The following SERP1 variants were observed in gnomAD, a reference collection of about 807,000 sequenced individuals.
SERP1 encodes the protein stress-associated endoplasmic reticulum protein 1.
Under a neutral mutation model 8.8 loss-of-function variants are expected in SERP1, and 6 were observed. The ratio of observed to expected loss-of-function variants is 0.68; its 90% CI spans 0.37 to 1.35. The LOEUF is 1.35. SERP1 is among the 40% of genes most tolerant of loss of function. SERP1 has a pLI of 0.02. For synonymous variants in SERP1, 36 were observed against 28.7 expected, an observed-to-expected ratio of 1.25 and a Z score of -0.81; for missense variants, 52 against 86.2, an observed-to-expected ratio of 0.60 and a Z score of 1.57.
rs1031964596 is a variant in SERP1 at position 150,542,747 on chromosome 3, A to C, written c.*1711T>G. ...AACACAAACAACAACTTAAAGCCAA[A>C]TATCTATAGTAAACCAAGGAAAATT... On this transcript the variant is annotated 3_prime_UTR_variant, in exon 3 of 3. Transcript: ENST00000239944. 3 of 152,672 alleles carry C rather than the reference A, an allele frequency of 2.0e-5. No individual in the cohort carries two copies. The highest frequency in any genetic ancestry group is 4.4e-5 in the Non-Finnish European group (3 of 68,036). 9.5% of individuals were successfully genotyped at this position (152,672 alleles called of 1,614,324 possible).
At position 150,544,333 on chromosome 3, in the gene SERP1, A is replaced by G; in HGVS notation, c.*125T>C. On this transcript the variant is annotated 3_prime_UTR_variant, in exon 3 of 3. Coordinates refer to ENST00000239944, the MANE Select transcript of SERP1 (RefSeq NM_014445.4). ...GAAACCTTGGAATGACACATGAAGC[A>G]TGATAGGAAAGTCATTCTGAGGCAG... 6.8e-6 allele frequency: 6 copies of G among 883,014 alleles called. No homozygotes were observed. The South Asian group carries it at 8.6e-5, about 13-fold the overall frequency. The allele number at this position is 883,014 out of a possible 1,614,324, so 54.7% of individuals were successfully genotyped here.
In SERP1 at chr3:150,542,480, G is replaced by A. The variant is rs544721655; in HGVS notation, c.*1978C>T. 2 of 152,298 alleles carry A rather than the reference G, an allele frequency of 1.3e-5. No homozygotes were observed. Among genetic ancestry groups the A allele is most frequent in the African/African-American group, 4.8e-5 (2 of 41,572 alleles). 9.4% of individuals were successfully genotyped at this position (152,298 alleles called of 1,614,324 possible). A position where few individuals can be genotyped will look rare whatever the true frequency, so the allele number is the denominator to read the frequency against. On this transcript the variant is annotated 3_prime_UTR_variant, in exon 3 of 3. Coordinates refer to ENST00000239944, the MANE Select transcript of SERP1 (RefSeq NM_014445.4). Reference sequence around the variant, plus strand: ...CTATAAAAGGTACACTCAGATAACTGTAAAATCATTTCCGTTTAGAAGAAA... The same window carrying A: ...CTATAAAAGGTACACTCAGATAACTATAAAATCATTTCCGTTTAGAAGAAA...
chr3:150,544,213 C>G lies in SERP1; in HGVS notation c.*245G>C, dbSNP rs1722932353. The stretch of plus-strand genomic sequence containing the variant: ...TTGACTGAATAAGTAGGGTCCACTA[C>G]TGTATCTTAACAATCAAATTTTATT... On this transcript the variant is annotated 3_prime_UTR_variant, in exon 3 of 3. Coordinates refer to ENST00000239944, the MANE Select transcript of SERP1 (RefSeq NM_014445.4). 2 of 500,106 alleles carry G rather than the reference C, an allele frequency of 4.0e-6. No individual in the cohort carries two copies. The highest frequency in any genetic ancestry group is 7.2e-6 in the Non-Finnish European group (2 of 278,724). 31.0% of individuals were successfully genotyped at this position (500,106 alleles called of 1,614,324 possible).
Position 150,546,043 on chromosome 3 carries a change from T to C in SERP1, c.84+9A>G. 6.2e-7 allele frequency: 1 copy of C among 1,613,532 alleles called. No homozygotes were observed. ...GCGGAACGCAGAGGGGCGCCCGCTC[T>C]TTCCTTACCGAGGTCTTGGCGACGT... On this transcript the variant is annotated intron_variant, in intron 1 of 2. Coordinates refer to ENST00000239944, the MANE Select transcript of SERP1 (RefSeq NM_014445.4).
At chr3:150,545,385 A>C (rs1027513839) in intron 2 of SERP1, 50 of 433,954 alleles carry the variant, frequency 1.2e-4, no homozygotes, top group African/African-American at 6.1e-4. Flanking sequence ...CTGATAATGG[A>C]GTTACAAAAC....
intron 2 of SERP1, among the ~76,000 whole-genome samples, chr3:150,545,046 G>A (rs988907128): frequency 6.6e-6 from 1 of 152,042 alleles, no homozygotes; most frequent in African/African-American, 2.4e-5. Flanking sequence ...TTAACAGCTT[G>A]CATATTAAAA....
chr3:150,545,854 TCGCCGGC>T, intron 1 of SERP1, 76 bp from the exon 2 acceptor site: 5 of 1,465,662 alleles, frequency 3.4e-6, no homozygotes, highest in Non-Finnish European at 9.3e-7. Flanking sequence ...TGCACGCCGG[TCGCCGGC>T]CCCCTCACCT....
chr3:150,542,033 C>G lies in SERP1; in HGVS notation c.*2425G>C, dbSNP rs537908965. The G allele has an allele frequency of 1.4e-4, 21 of 152,254 alleles. No homozygotes were observed. Among genetic ancestry groups the G allele is most frequent in the African/African-American group, 4.8e-4 (20 of 41,546 alleles). The allele number at this position is 152,254 out of a possible 1,614,324, so 9.4% of individuals were successfully genotyped here. On this transcript the variant is annotated 3_prime_UTR_variant, in exon 3 of 3. Coordinates refer to ENST00000239944, the MANE Select transcript of SERP1 (RefSeq NM_014445.4). ...ACATTTCTTTAATGTAAGTCAAAGC[C>G]CATCACAATGCATCCTGTTACAATG...
intron 2 of SERP1, chr3:150,545,280 T>A (rs1011906847): frequency 7.0e-5 from 16 of 227,518 alleles, no homozygotes; most frequent in Non-Finnish European, 1.3e-4. Flanking sequence ...TTTTATAAAA[T>A]ATACTCAATT....
chr3:150,544,501 G>T lies in SERP1; in HGVS notation c.161-3C>A. 1 of 1,609,670 alleles carries T rather than the reference G, an allele frequency of 6.2e-7. No individual in the cohort carries two copies. The highest frequency in any genetic ancestry group is 8.5e-7 in the Non-Finnish European group (1 of 1,176,600). ...ACTTTGAATAATCTGGAAAATTGCT[G>T]TAAAAAGAAAGAGCAAATATTAAAA... On this transcript the variant is annotated splice_region_variant and splice_polypyrimidine_tract_variant and intron_variant, in intron 2 of 2. Transcript: ENST00000239944.
rs1722985042 is a variant in SERP1, at chr3:150,545,837, CCACGCCTG to C, written c.85-67_85-60del. Reference sequence around the variant, plus strand: ...GAGAAACCACTCGGACCCCAGGCTCCCACGCCTGCACGCCGGTCGCCGGCCCCCTCACC... The same window carrying C: ...GAGAAACCACTCGGACCCCAGGCTCCCACGCCGGTCGCCGGCCCCCTCACC... On this transcript the variant is annotated intron_variant, in intron 1 of 2. Coordinates refer to ENST00000239944, the MANE Select transcript of SERP1 (RefSeq NM_014445.4). 3.3e-6 allele frequency: 5 copies of C among 1,522,534 alleles called. No individual in the cohort carries two copies. In the South Asian group the frequency reaches 3.6e-5, roughly 11 times the overall value. 94.3% of individuals were successfully genotyped at this position (1,522,534 alleles called of 1,614,324 possible).
In SERP1 at chr3:150,542,155, T is replaced by C. The variant is rs8052; in HGVS notation, c.*2303A>G. On this transcript the variant is annotated 3_prime_UTR_variant, in exon 3 of 3. Coordinates refer to ENST00000239944, the MANE Select transcript of SERP1 (RefSeq NM_014445.4). ...TTGACAACTTGTTGAAATGTTAGAGTTAAACCACAAAGAGTAACTGAGTAA... is the reference window on the plus strand; with the variant it reads ...TTGACAACTTGTTGAAATGTTAGAGCTAAACCACAAAGAGTAACTGAGTAA... The C allele has an allele frequency of 0.82, 124,751 of 152,200 alleles. 51,706 individuals are homozygous for C. Among genetic ancestry groups the C allele is most frequent in the East Asian group, 0.91 (4,724 of 5,192 alleles). The allele number at this position is 152,200 out of a possible 1,614,324, so 9.4% of individuals were successfully genotyped here.
Position 150,546,454 on chromosome 3 carries a change from A to G in SERP1, c.-319T>C, listed in dbSNP as rs556042063. The G allele has an allele frequency of 9.2e-4, 508 of 554,332 alleles. No individual in the cohort carries two copies. Among genetic ancestry groups the G allele is most frequent in the Admixed American group, 2.3e-3 (65 of 28,244 alleles). The allele number at this position is 554,332 out of a possible 1,614,324, so 34.3% of individuals were successfully genotyped here. A position where few individuals can be genotyped will look rare whatever the true frequency, so the allele number is the denominator to read the frequency against. On this transcript the variant is annotated 5_prime_UTR_variant, in exon 1 of 3. Transcript: ENST00000239944. Reference sequence around the variant, plus strand: ...GAGCGCGGAGTGAAAGAGGAAGGAAACGCAACGCAACAACGGGAATGTGCA... The same window carrying G: ...GAGCGCGGAGTGAAAGAGGAAGGAAGCGCAACGCAACAACGGGAATGTGCA...
Position 150,546,175 on chromosome 3 carries a change from T to A in SERP1, c.-40A>T, listed in dbSNP as rs746645098. 5.0e-6 allele frequency: 8 copies of A among 1,603,000 alleles called. No homozygotes were observed. The highest frequency in any genetic ancestry group is 6.8e-6 in the Non-Finnish European group (8 of 1,174,194). ...CACCTGCCCCGGCCACCCCTCGGAC[T>A]CGCTCACTCGCCTGCCTCCTCTGGA... is the stretch of plus-strand genomic sequence containing the variant. On this transcript the variant is annotated 5_prime_UTR_variant, in exon 1 of 3. Transcript: ENST00000239944.
chr3:150,544,649 G>A, intron 2 of SERP1, 151 bp from the exon 3 acceptor site: 2 of 548,028 alleles, frequency 3.6e-6, no homozygotes, highest in Non-Finnish European at 6.5e-6. Flanking sequence ...GTGAAGACAG[G>A]CCTGTCTGAA....
Position 150,545,690 on chromosome 3 carries a change from C to T in SERP1, c.160+13G>A. 1 of 1,599,762 alleles carries T rather than the reference C, an allele frequency of 6.3e-7. No homozygotes were observed. Among genetic ancestry groups the T allele is most frequent in the Non-Finnish European group, 8.5e-7 (1 of 1,171,890 alleles). On this transcript the variant is annotated intron_variant, in intron 2 of 2. Transcript: ENST00000239944. ...CCAAGACTCTACCTGATGGGAGCCC[C>T]CAAGCCACTTACCAGAACCACAGAC...
rs1722924813 is a variant in SERP1, at chr3:150,543,767, C to G, written c.*691G>C. The G allele has an allele frequency of 2.0e-5, 1 of 48,906 alleles. No homozygotes were observed. The highest frequency in any genetic ancestry group is 4.7e-5 in the African/African-American group (1 of 21,494). 3.0% of individuals were successfully genotyped at this position (48,906 alleles called of 1,614,324 possible). A position where few individuals can be genotyped will look rare whatever the true frequency, so the allele number is the denominator to read the frequency against. On this transcript the variant is annotated 3_prime_UTR_variant, in exon 3 of 3. Transcript: ENST00000239944. ...GTAACTGATTAAGTCAGAAAACGATCAAGTTTTTTTTTTATGGCATCTTGG... is the reference window on the plus strand; with the variant it reads ...GTAACTGATTAAGTCAGAAAACGATGAAGTTTTTTTTTTATGGCATCTTGG...
At position 150,543,906 on chromosome 3, in the gene SERP1, A is replaced by C. The variant is rs1220971806; in HGVS notation, c.*552T>G. Reference sequence around the variant, plus strand: ...TATATTAGACATTTAGAAGCTTTTAAAACTTTTTAGATGCTAAAGGTTGTG... The same window carrying C: ...TATATTAGACATTTAGAAGCTTTTACAACTTTTTAGATGCTAAAGGTTGTG... On this transcript the variant is annotated 3_prime_UTR_variant, in exon 3 of 3. Transcript: ENST00000239944. 1 of 152,302 alleles carries C rather than the reference A, an allele frequency of 6.6e-6. No individual in the cohort carries two copies. The highest frequency in any genetic ancestry group is 1.5e-5 in the Non-Finnish European group (1 of 68,054). The allele number at this position is 152,302 out of a possible 1,614,324, so 9.4% of individuals were successfully genotyped here.
Position 150,546,364 on chromosome 3 carries a change from G to C in SERP1, c.-229C>G, listed in dbSNP as rs1291062171. The C allele has an allele frequency of 1.7e-6, 1 of 578,758 alleles. No individual in the cohort carries two copies. Among genetic ancestry groups the C allele is most frequent in the Admixed American group, 3.5e-5 (1 of 28,590 alleles). 35.9% of individuals were successfully genotyped at this position (578,758 alleles called of 1,614,324 possible). ...CTGACCGAGCGGGGCAGGTGCGCAG[G>C]AGGAAGAGAACTGGCCGCCGGGTCG... On this transcript the variant is annotated 5_prime_UTR_variant, in exon 1 of 3. Transcript: ENST00000239944.
Sources: gnomAD v4.1 joint callset for allele counts (sites outside exome capture counted in the v4.1 genomes callset) on GRCh38, gnomAD v4.1.1 for gene constraint, MANE v1.5 for transcripts, NCBI Gene and HGNC (gene_info 2026-07-23, HGNC 2026-07-21) for gene names.